Variants in SPIN1 observed in about 807,000 individuals in gnomAD.
SPIN1 encodes spindlin 1.
Under a neutral mutation model 26.0 loss-of-function variants are expected in SPIN1, and 3 were observed. That is an observed-to-expected ratio of 0.12 (90% CI 0.05 to 0.30). SPIN1 has a LOEUF of 0.30. SPIN1 is among the 10% of genes least tolerant of loss of function. SPIN1 has a pLI of 1.00. For synonymous variants in SPIN1, 101 were observed against 116.5 expected, an observed-to-expected ratio of 0.87 and a Z score of 0.86; for missense variants, 126 against 333.4, an observed-to-expected ratio of 0.38 and a Z score of 4.84.
At chr9:88,442,570 A>G (rs1019128144) in intron 2 of SPIN1, among the ~76,000 whole-genome samples, 4 of 151,740 alleles carry the variant, frequency 2.6e-5, no homozygotes, top group African/African-American at 9.7e-5. Context: ...TTTTTAGTAG[A>G]GATGGGGTTT....
At chr9:88,424,929 C>T (rs560812799) in intron 1 of SPIN1, among the ~76,000 whole-genome samples, 9 of 152,164 alleles carry the variant, frequency 5.9e-5, no homozygotes, top group South Asian at 2.1e-4. Context: ...GTGCTGATGA[C>T]GGAAGATTCA....
intron 3 of SPIN1, among the ~76,000 whole-genome samples, chr9:88,457,538 A>G (rs775512389): frequency 1.2e-4 from 19 of 152,078 alleles, no homozygotes; most frequent in Non-Finnish European, 1.3e-4. Flanking sequence ...AAAAAATAAT[A>G]ATAAATAAAA....
chr9:88,396,879 T>C (rs1451661519), intron 1 of SPIN1, among the ~76,000 whole-genome samples: 1 of 152,054 alleles, frequency 6.6e-6, no homozygotes, highest in Non-Finnish European at 1.5e-5. Flanking sequence ...CTGTAGACTA[T>C]TGGAACACAG....
chr9:88,389,188 C>G, intron 1 of SPIN1, among the ~76,000 whole-genome samples: 1 of 152,182 alleles, frequency 6.6e-6, no homozygotes, highest in East Asian at 1.9e-4. Context: ...CAGCCCCTTT[C>G]CTGATGCGCC....
intron 4 of SPIN1, among the ~76,000 whole-genome samples, chr9:88,466,631 A>G (rs1324794475): frequency 6.6e-6 from 1 of 152,248 alleles, no homozygotes; most frequent in East Asian, 1.9e-4. Context: ...ATAAAATTAA[A>G]TAGCAATACA....
intron 3 of SPIN1, among the ~76,000 whole-genome samples, chr9:88,449,867 G>A (rs1828324330): frequency 6.6e-6 from 1 of 152,170 alleles, no homozygotes; most frequent in Admixed American, 6.5e-5. Context: ...TATTGAAAGT[G>A]TATGCCCCTT....
At chr9:88,452,610 A>G (rs1828375826) in intron 3 of SPIN1, among the ~76,000 whole-genome samples, 1 of 152,204 alleles carries the variant, frequency 6.6e-6, no homozygotes. Context: ...TGGTATTCCC[A>G]AAGTGCGCAG....
intron 2 of SPIN1, among the ~76,000 whole-genome samples, chr9:88,445,020 T>G (rs1470842859): frequency 6.6e-6 from 1 of 152,090 alleles, no homozygotes; most frequent in Non-Finnish European, 1.5e-5. Context: ...AATAGCAAGA[T>G]TCTGTTTCTT....
chr9:88,441,005 T>G (rs1336392204), intron 2 of SPIN1, among the ~76,000 whole-genome samples: 1 of 151,772 alleles, frequency 6.6e-6, no homozygotes, highest in Admixed American at 6.6e-5. Flanking sequence ...GCCACGTACT[T>G]TATGACAATA....
chr9:88,468,420 A>G lies in SPIN1; in HGVS notation c.404A>G (p.Lys135Arg). ...DAHLADTMIG[K>R]AVEHMFETED... ...CACTTGGCAGACACAATGATTGGCA[A>G]AGCAGTGGAACATATGTTTGAGACA... Residue 135 changes from lysine (K) to arginine (R), a missense_variant, in exon 5 of 6, where the codon AAA (lysine) becomes AGA (arginine). By Grantham distance (26) the Lys-to-Arg change is conservative (BLOSUM62 2). Around this residue, in one of 7 missense-constraint regions of SPIN1, gnomAD observed 10 missense variants for 44.5 expected, o/e 0.22. Coordinates refer to ENST00000375859, the MANE Select transcript of SPIN1 (RefSeq NM_006717.3). 6.2e-7 allele frequency: 1 copy of G among 1,611,898 alleles called. No homozygotes were observed. Among genetic ancestry groups the G allele is most frequent in the Non-Finnish European group, 8.5e-7 (1 of 1,179,136 alleles).
At chr9:88,461,864 T>C (rs533923465) in intron 3 of SPIN1, among the ~76,000 whole-genome samples, 163 of 152,370 alleles carry the variant, frequency 1.1e-3, no homozygotes, top group African/African-American at 3.9e-3. Context: ...TAATTTTTAA[T>C]ATTACATTGT....
rs200623069 is a variant in SPIN1, at chr9:88,462,724, G to A, written c.330G>A (p.Ala110=). 30 of 1,612,832 alleles carry A rather than the reference G, an allele frequency of 1.9e-5. No individual in the cohort carries two copies. In the African/African-American group the frequency reaches 2.5e-4, roughly 14 times the overall value. Residue 110 remains alanine (A), a synonymous_variant, in exon 4 of 6, where the codon GCG becomes GCA. Transcript: ENST00000375859. ...TTAATAAAGATGAAAGAGTTTCTGC[G>A]CTTGAAGTCCTCCCTGATAGAGTTG... ...LELNKDERVS[A]LEVLPDRVAT...
rs1828870284 is a variant in SPIN1 at position 88,475,376 on chromosome 9, T to G, written c.*99T>G. On this transcript the variant is annotated 3_prime_UTR_variant, in exon 6 of 6. Coordinates refer to ENST00000375859, the MANE Select transcript of SPIN1 (RefSeq NM_006717.3). ...TTCCAGTTTAATGAAAGCTTAAATG[T>G]CCCTGCGAACCCACAATCTCTGCCA... The G allele has an allele frequency of 1.6e-6, 2 of 1,260,106 alleles. No homozygotes were observed. The highest frequency in any genetic ancestry group is 1.5e-5 in the African/African-American group (1 of 67,068). 78.1% of individuals were successfully genotyped at this position (1,260,106 alleles called of 1,614,324 possible).
intron 1 of SPIN1, chr9:88,389,485 A>G (rs1826872297): frequency 6.6e-6 from 1 of 152,100 alleles, no homozygotes; most frequent in South Asian, 2.1e-4. Context: ...TTGTTTTTAC[A>G]TTTATTCTCT....
chr9:88,404,799 C>T (rs976061852), intron 1 of SPIN1, among the ~76,000 whole-genome samples: 8 of 151,714 alleles, frequency 5.3e-5, no homozygotes, highest in Admixed American at 3.9e-4. Context: ...GCCTGTAATC[C>T]CAGCTACTCG....
rs993389485 is a variant in SPIN1, at chr9:88,477,567, TTCTG to T, written c.*2294_*2297del. 1 of 152,564 alleles carries T rather than the reference TTCTG, an allele frequency of 6.6e-6. No individual in the cohort carries two copies. Among genetic ancestry groups the T allele is most frequent in the African/African-American group, 2.4e-5 (1 of 41,434 alleles). The allele number at this position is 152,564 out of a possible 1,614,324, so 9.5% of individuals were successfully genotyped here. ...TTTTTTTTCTCCCCATTTTCCCCCA[TTCTG>T]TCTTTCTTTTGGTGACTTACACCAC... On this transcript the variant is annotated 3_prime_UTR_variant, in exon 6 of 6. Transcript: ENST00000375859.
At chr9:88,410,183 G>GTGTGTGTT (rs1398205135) in intron 1 of SPIN1, among the ~76,000 whole-genome samples, 4 of 140,296 alleles carry the variant, frequency 2.9e-5, no homozygotes, top group African/African-American at 1.3e-4. Context: ...GTGTGTGTGT[G>GTGTGTGTT]TGTGTGCAAC....
At chr9:88,463,042 G>A (rs1828601182) in intron 4 of SPIN1, among the ~76,000 whole-genome samples, 1 of 152,038 alleles carries the variant, frequency 6.6e-6, no homozygotes, top group African/African-American at 2.4e-5. Flanking sequence ...TGATGGGTAA[G>A]GTTATCAGTA....
chr9:88,455,857 C>A (rs1047717820), intron 3 of SPIN1, among the ~76,000 whole-genome samples: 1 of 152,106 alleles, frequency 6.6e-6, no homozygotes, highest in South Asian at 2.1e-4. Context: ...GGCACCCTTA[C>A]GTAGTTCCAG....
Sources: allele counts gnomAD v4.1 joint callset (sites outside exome capture counted in the v4.1 genomes callset), GRCh38; gene constraint gnomAD v4.1.1; regional missense constraint gnomAD v4.1.1; transcripts MANE v1.5; gene names NCBI Gene and HGNC (gene_info 2026-07-23, HGNC 2026-07-21).